DPCD: variants seen among roughly 807,000 people sequenced by gnomAD.
DPCD encodes the protein protein DPCD.
In DPCD, 20 loss-of-function variants were observed where a neutral mutation model predicts 26.4. That is an observed-to-expected ratio of 0.76 (90% CI 0.53 to 1.10). The LOEUF (loss-of-function observed/expected upper bound fraction) is 1.10, where lower values mean the gene tolerates loss of function less well. Among genes scored for constraint, DPCD ranks in the 50% least tolerant of loss-of-function variants. The pLI is 0.00. For synonymous variants in DPCD, 97 were observed against 94.2 expected (o/e 1.03, Z -0.17); for missense variants, 202 against 253.9 (o/e 0.80, Z 1.39).
rs1328494450 is a variant in DPCD, at chr10:101,609,401, C to G, written c.542C>G (p.Ser181Cys). The change falls in exon 6 of 6, where the codon TCT becomes TGT. Residue 181 changes from serine to cysteine, a missense_variant. By Grantham distance (112) the Ser-to-Cys change is moderately radical (BLOSUM62 -1). Coordinates refer to ENST00000370151, the MANE Select transcript of DPCD (RefSeq NM_015448.3). ...CCAAAGGAGGTTGTGGTGGCCGAGT[C>G]TGAGCTACAGAAGGAACTAAAGAAG... ...QKPKEVVVAESELQKELKKVK... is the reference protein window; with the variant it reads ...QKPKEVVVAECELQKELKKVK... 1 of 1,614,152 alleles carries G rather than the reference C, an allele frequency of 6.2e-7. No individual in the cohort carries two copies. Among genetic ancestry groups the G allele is most frequent in the Admixed American group, 1.7e-5 (1 of 60,018 alleles).
rs753242714 is a variant in DPCD at position 101,603,756 on chromosome 10, CA to C, written c.404+2433del. ...TGGGTGACAGAGTGAGACTCCATCT[CA>C]AAAAAAAAAAAAGAGATGGAGTCTT... On this transcript the variant is annotated intron_variant, in intron 4 of 5. Coordinates refer to ENST00000370151, the MANE Select transcript of DPCD (RefSeq NM_015448.3). This position sits in a 1 kb window ranked among gnomAD's most constrained non-coding sequence, Gnocchi z 4.6. 1.4e-3 allele frequency among the ~76,000 whole-genome samples: 178 copies of C among 131,562 alleles called. No homozygotes were observed. The highest frequency in any genetic ancestry group is 4.2e-3 in the Middle Eastern group (1 of 236). The allele number at this position is 131,562 out of a possible 152,430, so 86.3% of individuals were successfully genotyped here. A position where few individuals can be genotyped will look rare whatever the true frequency, so the allele number is the denominator to read the frequency against.
At chr10:101,598,929 T>A (rs950206286) in intron 2 of DPCD, among the ~76,000 whole-genome samples, 1 of 152,156 alleles carries the variant, frequency 6.6e-6, no homozygotes. Context: ...CTGGAGTAGA[T>A]GCTTTCTAAA....
intron 2 of DPCD, among the ~76,000 whole-genome samples, chr10:101,599,869 A>G (rs2063679731): frequency 6.6e-6 from 1 of 152,220 alleles, no homozygotes; most frequent in African/African-American, 2.4e-5. Context: ...AGGAAGGGAA[A>G]GGAACTGGGG....
chr10:101,594,015 T>G (rs1321835043), intron 1 of DPCD, among the ~76,000 whole-genome samples: 1 of 152,104 alleles, frequency 6.6e-6, no homozygotes, highest in Non-Finnish European at 1.5e-5. Context: ...TAAAAAGATG[T>G]AAAATCATAA....
At chr10:101,601,410 G>A in intron 4 of DPCD, 74 bp downstream of exon 4, 1 of 1,503,102 alleles carries the variant, frequency 6.7e-7, no homozygotes, top group Non-Finnish European at 9.0e-7. Context: ...CTGGCGTTAG[G>A]ATCATTATTC....
At chr10:101,605,721 C>A (rs917021634) in intron 4 of DPCD, among the ~76,000 whole-genome samples, 17 of 152,228 alleles carry the variant, frequency 1.1e-4, no homozygotes, top group African/African-American at 3.6e-4. Flanking sequence ...ACATCCCCAC[C>A]TCCCACCTCA....
At chr10:101,598,083 T>C (rs1425174167) in intron 2 of DPCD, among the ~76,000 whole-genome samples, 1 of 152,244 alleles carries the variant, frequency 6.6e-6, no homozygotes, top group Non-Finnish European at 1.5e-5. Context: ...TTCTTCCTTC[T>C]TTGAGTACTT....
chr10:101,588,425 C>T (rs373063670), intron 1 of DPCD, 25 bp downstream of exon 1: 63 of 1,572,868 alleles, frequency 4.0e-5, no homozygotes, highest in Admixed American at 3.5e-4. Context: ...CCCACGGGCT[C>T]CTTCGTTTTT....
chr10:101,605,118 T>C, intron 4 of DPCD: 1 of 1,550,544 alleles, frequency 6.4e-7, no homozygotes, highest in Non-Finnish European at 8.7e-7. Context: ...TTTAAGAAGA[T>C]TTGCTTGCTG....
Position 101,600,989 on chromosome 10 carries a change from A to G in DPCD, c.270+127A>G. On this transcript the variant is annotated intron_variant, in intron 3 of 5. Coordinates refer to ENST00000370151, the MANE Select transcript of DPCD (RefSeq NM_015448.3). This position sits in a 1 kb window ranked among gnomAD's most constrained non-coding sequence, Gnocchi z 4.7. ...CTCCAGTGTGCCACCTGGACACAGC[A>G]CTCTATAAATGTTTGTTTGAATGAA... The G allele has an allele frequency of 6.6e-7, 1 of 1,508,038 alleles. No homozygotes were observed. The highest frequency in any genetic ancestry group is 8.9e-7 in the Non-Finnish European group (1 of 1,121,594). The allele number at this position is 1,508,038 out of a possible 1,614,324, so 93.4% of individuals were successfully genotyped here. A position where few individuals can be genotyped will look rare whatever the true frequency, so the allele number is the denominator to read the frequency against.
chr10:101,597,210 C>T (rs1357441034), intron 2 of DPCD, among the ~76,000 whole-genome samples: 2 of 152,184 alleles, frequency 1.3e-5, no homozygotes, highest in East Asian at 1.9e-4. Context: ...GGTATTTGAC[C>T]GCCAGCCTAA....
At chr10:101,590,364 G>C (rs1022032115) in intron 1 of DPCD, among the ~76,000 whole-genome samples, 1 of 152,016 alleles carries the variant, frequency 6.6e-6, no homozygotes, top group African/African-American at 2.4e-5. Context: ...CAGATAAGTT[G>C]GGACATATTG....
chr10:101,591,657 TATA>T (rs960455911), intron 1 of DPCD, among the ~76,000 whole-genome samples: 23 of 152,244 alleles, frequency 1.5e-4, no homozygotes, highest in African/African-American at 4.1e-4. Flanking sequence ...AGAAGTCAAA[TATA>T]ATATTACCAC....
intron 2 of DPCD, among the ~76,000 whole-genome samples, chr10:101,597,417 A>G (rs867001761): frequency 2.0e-5 from 3 of 152,202 alleles, no homozygotes; most frequent in African/African-American, 7.2e-5. Flanking sequence ...TGCAGGGAAC[A>G]TTTAGGGAAG....
chr10:101,594,585 G>A, intron 1 of DPCD, 73 bp from the exon 2 acceptor site: 1 of 1,492,536 alleles, frequency 6.7e-7, no homozygotes, highest in Non-Finnish European at 9.3e-7. Context: ...TGTTTCCCAG[G>A]TAGGCCCCTT....
chr10:101,605,067 G>A (rs1388783538), intron 4 of DPCD: 1 of 1,548,340 alleles, frequency 6.5e-7, no homozygotes, highest in South Asian at 1.2e-5. Flanking sequence ...AGCAGGGGGC[G>A]ACTGTGGGTG....
intron 2 of DPCD, among the ~76,000 whole-genome samples, chr10:101,598,349 T>C (rs1294276280): frequency 6.6e-6 from 1 of 152,120 alleles, no homozygotes; most frequent in African/African-American, 2.4e-5. Flanking sequence ...ATTGAGCTAC[T>C]TAAAAAAAAA....
At chr10:101,590,678 A>C (rs534785709) in intron 1 of DPCD, among the ~76,000 whole-genome samples, 1 of 149,746 alleles carries the variant, frequency 6.7e-6, no homozygotes, top group South Asian at 2.1e-4. Context: ...TCCTAGGCTC[A>C]TGTAGTCCTC....
chr10:101,605,079 G>T, intron 4 of DPCD: 1 of 1,549,788 alleles, frequency 6.5e-7, no homozygotes. Context: ...CTGTGGGTGG[G>T]GGTGCCAAGT....
Sources: allele counts gnomAD v4.1 joint callset (sites outside exome capture counted in the v4.1 genomes callset), GRCh38; gene constraint gnomAD v4.1.1; non-coding constraint Gnocchi (gnomAD v3.1); transcripts MANE v1.5; gene names NCBI Gene and HGNC (gene_info 2026-07-23, HGNC 2026-07-21).